The following TBC1D32 variants were observed in gnomAD, a reference collection of about 807,000 sequenced individuals.
The protein encoded by TBC1D32 is TBC1 domain family member 32.
A neutral mutation model predicts 170.3 loss-of-function variants in TBC1D32; 151 were observed. That is an observed-to-expected ratio of 0.89 (90% confidence interval 0.78 to 1.01). The LOEUF is 1.01. Among genes scored for constraint, TBC1D32 ranks in the 50% least tolerant of loss-of-function variants. TBC1D32 has a pLI of 0.00. For missense variants in TBC1D32, 1,464 were observed against 1,457.1 expected, an observed-to-expected ratio of 1.00 and a Z score of -0.08; for synonymous variants, 498 against 488.0, an observed-to-expected ratio of 1.02 and a Z score of -0.27.
At chr6:121,090,275 C>T (rs1776670545) in intron 31 of TBC1D32, among the ~76,000 whole-genome samples, 2 of 152,112 alleles carry the variant, frequency 1.3e-5, no homozygotes, top group South Asian at 4.1e-4. Flanking sequence ...TAGATTTCCA[C>T]CAAAAAATGA....
chr6:121,228,296 T>C (rs532198361), intron 20 of TBC1D32, among the ~76,000 whole-genome samples: 1 of 152,238 alleles, frequency 6.6e-6, no homozygotes, highest in African/African-American at 2.4e-5. Flanking sequence ...TTATTTCCCT[T>C]GTTGTATTGG....
chr6:121,175,188 G>A (rs1032637590), intron 22 of TBC1D32, among the ~76,000 whole-genome samples: 6 of 152,098 alleles, frequency 3.9e-5, no homozygotes, highest in African/African-American at 7.2e-5. Context: ...GAAGGTTTAG[G>A]GAGACACTTT....
At chr6:121,112,770 G>A (rs1779314968) in intron 28 of TBC1D32, 111 bp from the exon 29 acceptor site, 6 of 995,694 alleles carry the variant, frequency 6.0e-6, no homozygotes, top group Non-Finnish European at 8.3e-6. Context: ...TTCTTATTCT[G>A]AATTTATGAA....
At chr6:121,154,039 C>A (rs376449540) in intron 24 of TBC1D32, among the ~76,000 whole-genome samples, 3,070 of 128,954 alleles carry the variant, frequency 0.024, 15 homozygotes, top group Middle Eastern at 0.041. Context: ...CACTAGGGTA[C>A]AAAAAAAAAA....
chr6:121,312,934 A>G (rs576288932), intron 3 of TBC1D32, among the ~76,000 whole-genome samples: 7 of 152,184 alleles, frequency 4.6e-5, no homozygotes, highest in Admixed American at 3.3e-4. Flanking sequence ...TCAATAAACT[A>G]TCTCCTCTCA....
At chr6:121,089,002 A>C (rs1335521433) in intron 31 of TBC1D32, among the ~76,000 whole-genome samples, 4 of 152,160 alleles carry the variant, frequency 2.6e-5, no homozygotes. Context: ...GAGAGATGAA[A>C]CTGTAAATCA....
intron 24 of TBC1D32, among the ~76,000 whole-genome samples, chr6:121,143,798 G>C (rs545170543): frequency 6.6e-6 from 1 of 152,110 alleles, no homozygotes; most frequent in East Asian, 1.9e-4. Context: ...ATACCTGTTA[G>C]AAACACATTT....
At chr6:121,168,500 G>T (rs1373278928) in intron 22 of TBC1D32, among the ~76,000 whole-genome samples, 1 of 65,194 alleles carries the variant, frequency 1.5e-5, no homozygotes, top group African/African-American at 4.5e-5. Context: ...CTCATAGGTG[G>T]GAATTGAACA....
At position 121,204,275 on chromosome 6, in the gene TBC1D32, C is replaced by T. The variant is rs1036186880; in HGVS notation, c.2570+800G>A. On this transcript the variant is annotated intron_variant, in intron 22 of 31. Coordinates refer to ENST00000398212, the MANE Select transcript of TBC1D32 (RefSeq NM_152730.6). Reference sequence around the variant, plus strand: ...TTCTTTGTACTATAAAGTCCAAACACGAAGCTCATCTATTAATATACGGTT... The same window carrying T: ...TTCTTTGTACTATAAAGTCCAAACATGAAGCTCATCTATTAATATACGGTT... 2.0e-5 allele frequency among the ~76,000 whole-genome samples: 3 copies of T among 151,240 alleles called. 1 individual carries two copies. The highest frequency in any genetic ancestry group is 1.3e-4 in the Admixed American group (2 of 15,246).
chr6:121,255,347 T>C lies in TBC1D32; in HGVS notation c.1999A>G (p.Ser667Gly), dbSNP rs760249239. The C allele has an allele frequency of 6.4e-7, 1 of 1,570,896 alleles. No individual in the cohort carries two copies. The highest frequency in any genetic ancestry group is 8.6e-7 in the Non-Finnish European group (1 of 1,158,210). ...ACTTACATGTTTTGGGATTCCTGGC[T>C]TACTGAAGAAACAGAATCAGAACCC... ...VEGSDSVSSVSQESQNIMAWE... is the reference protein window; with the variant it reads ...VEGSDSVSSVGQESQNIMAWE... Residue 667 changes from serine to glycine, a missense_variant, in exon 17 of 32, where the codon AGC becomes GGC. Transcript: ENST00000398212.
chr6:121,210,694 C>T (rs988493001), intron 21 of TBC1D32, among the ~76,000 whole-genome samples: 1 of 152,058 alleles, frequency 6.6e-6, no homozygotes, highest in Non-Finnish European at 1.5e-5. Context: ...GTGGGCTTGA[C>T]CTAATCAAAC....
At chr6:121,232,544 C>T (rs1057244912) in intron 20 of TBC1D32, among the ~76,000 whole-genome samples, 1 of 152,048 alleles carries the variant, frequency 6.6e-6, no homozygotes, top group Non-Finnish European at 1.5e-5. Context: ...TTGATTCTAC[C>T]CATTCATGAA....
At chr6:121,278,890 AG>A (rs1261225434) in intron 15 of TBC1D32, among the ~76,000 whole-genome samples, 15 of 152,196 alleles carry the variant, frequency 9.9e-5, no homozygotes, top group South Asian at 8.3e-4. Flanking sequence ...GTGTGACAAA[AG>A]TCTGTAAGTG....
At chr6:121,103,706 A>T (rs7768927) in intron 30 of TBC1D32, among the ~76,000 whole-genome samples, 1 of 151,818 alleles carries the variant, frequency 6.6e-6, no homozygotes, top group East Asian at 1.9e-4. Flanking sequence ...CACGTTGTGC[A>T]CATGTACCCT....
rs191672227 is a variant in TBC1D32 at position 121,148,145 on chromosome 6, C to A, written c.2773+11865G>T. ...TGCTATCCCACCCCTTGCCTCCCAACCCCCGACAGGCCCCAGTGTGTGATG... is the reference window on the plus strand; with the variant it reads ...TGCTATCCCACCCCTTGCCTCCCAAACCCCGACAGGCCCCAGTGTGTGATG... On this transcript the variant is annotated intron_variant, in intron 24 of 31. Coordinates refer to ENST00000398212, the MANE Select transcript of TBC1D32 (RefSeq NM_152730.6). 4.6e-5 allele frequency among the ~76,000 whole-genome samples: 7 copies of A among 152,008 alleles called. No individual in the cohort carries two copies. In the East Asian group the frequency reaches 1.4e-3, roughly 30 times the overall value.
At chr6:121,142,876 A>G (rs1337877698) in intron 24 of TBC1D32, among the ~76,000 whole-genome samples, 1 of 152,188 alleles carries the variant, frequency 6.6e-6, no homozygotes, top group Non-Finnish European at 1.5e-5. Context: ...TTCCTGTTCC[A>G]TACAGAAGGG....
In TBC1D32 at chr6:121,283,884, C is replaced by A. The variant is rs749631407; in HGVS notation, c.1399G>T (p.Val467Phe). ...TAATAGATAAGTTGGGTAAAAAGAA[C>A]AAGCAGATCTATGAGGGATACCAAA... The part of the protein sequence containing the change: ...KGLVSLIDLL[V>F]LFTQLIYYSP... Residue 467 changes from valine (V) to phenylalanine (F), a missense_variant, in exon 13 of 32, where the codon GTT becomes TTT. Val to Phe is a conservative substitution (Grantham distance 50, BLOSUM62 -1). Coordinates refer to ENST00000398212, the MANE Select transcript of TBC1D32 (RefSeq NM_152730.6). 11 of 1,610,480 alleles carry A rather than the reference C, an allele frequency of 6.8e-6. No homozygotes were observed. The highest frequency in any genetic ancestry group is 9.3e-6 in the Non-Finnish European group (11 of 1,177,910).
intron 22 of TBC1D32, among the ~76,000 whole-genome samples, chr6:121,203,853 T>C (rs1398526600): frequency 6.6e-6 from 1 of 151,290 alleles, no homozygotes; most frequent in African/African-American, 2.5e-5. Flanking sequence ...GCACATACTA[T>C]GAAAATTAAT....
intron 31 of TBC1D32, among the ~76,000 whole-genome samples, chr6:121,083,579 T>C (rs556033502): frequency 5.3e-5 from 8 of 149,980 alleles, no homozygotes; most frequent in Admixed American, 4.6e-4. Context: ...ATTTCAAATA[T>C]GCATTCATCT....
Sources: allele counts gnomAD v4.1 joint callset (sites outside exome capture counted in the v4.1 genomes callset), GRCh38; gene constraint gnomAD v4.1.1; transcripts MANE v1.5; gene names NCBI Gene and HGNC (gene_info 2026-07-23, HGNC 2026-07-21).